FAM228A: variants seen among roughly 807,000 people sequenced by gnomAD.
The protein encoded by FAM228A is family with sequence similarity 228 member A.
FAM228A carries 13 observed loss-of-function variants against 18.6 expected under a neutral mutation model. That is an observed-to-expected ratio of 0.70 (90% CI 0.45 to 1.11). The LOEUF is 1.11. FAM228A is among the 50% of genes least tolerant of loss of function. FAM228A has a pLI of 0.00. For synonymous variants in FAM228A, 77 were observed against 86.6 expected, an observed-to-expected ratio of 0.89 and a Z score of 0.61; for missense variants, 240 against 242.2, an observed-to-expected ratio of 0.99 and a Z score of 0.06.
rs543082149 is a variant in FAM228A, at chr2:24,191,284, G to A, written c.*653G>A. The A allele has an allele frequency of 6.2e-5, 61 of 985,538 alleles. No individual in the cohort carries two copies. In the South Asian group the frequency reaches 8.9e-4, roughly 14 times the overall value. 61.0% of individuals were successfully genotyped at this position (985,538 alleles called of 1,614,324 possible). Reference sequence around the variant, plus strand: ...ACCGCTCAGCTCAGGACCTGACAGCGTCACTCCCACCCTCACCACCACACA... The same window carrying A: ...ACCGCTCAGCTCAGGACCTGACAGCATCACTCCCACCCTCACCACCACACA... On this transcript the variant is annotated 3_prime_UTR_variant, in exon 6 of 6. Coordinates refer to ENST00000295150, the MANE Select transcript of FAM228A (RefSeq NM_001040710.3).
chr2:24,186,587 C>A (rs1486710388), intron 5 of FAM228A, among the ~76,000 whole-genome samples: 2 of 151,902 alleles, frequency 1.3e-5, no homozygotes, highest in Admixed American at 6.6e-5. Context: ...AATTTTTATG[C>A]ATTTATTGAT....
At position 24,179,179 on chromosome 2, in the gene FAM228A, A is replaced by T. The variant is rs559319334; in HGVS notation, c.162+1309A>T. On this transcript the variant is annotated intron_variant, in intron 3 of 5. Transcript: ENST00000295150. ...GAAGAAAAGAGATGTTACATAAAAA[A>T]TGGGTTGAAAATGTTGCAGAGCCTC... 4.3e-6 allele frequency: 5 copies of T among 1,176,288 alleles called. No individual in the cohort carries two copies. The African/African-American group carries it at 8.2e-5, about 19-fold the overall frequency. The allele number at this position is 1,176,288 out of a possible 1,614,324, so 72.9% of individuals were successfully genotyped here. A position where few individuals can be genotyped will look rare whatever the true frequency, so the allele number is the denominator to read the frequency against.
chr2:24,183,396 A>G lies in FAM228A; in HGVS notation c.250+24A>G, dbSNP rs368556354. ...AGGTGCTTTGTGATCACTGGGCCTC[A>G]TTTTTTTGAGACTGCTAATTGTCCA... On this transcript the variant is annotated intron_variant, in intron 4 of 5. Transcript: ENST00000295150. The G allele has an allele frequency of 9.1e-4, 1,472 of 1,610,662 alleles. 2 individuals carry two copies. Among genetic ancestry groups the G allele is most frequent in the Non-Finnish European group, 1.2e-3 (1,355 of 1,177,064 alleles).
chr2:24,185,547 A>G (rs955053598), intron 5 of FAM228A, among the ~76,000 whole-genome samples: 2 of 152,244 alleles, frequency 1.3e-5, no homozygotes, highest in Non-Finnish European at 2.9e-5. Flanking sequence ...CTGTAGATCA[A>G]TTTGGGGAGA....
chr2:24,181,149 A>C (rs935085984), intron 3 of FAM228A, among the ~76,000 whole-genome samples: 11 of 152,194 alleles, frequency 7.2e-5, no homozygotes, highest in Admixed American at 3.9e-4. Flanking sequence ...CTAGATGATT[A>C]CTTCTCCCAG....
intron 5 of FAM228A, among the ~76,000 whole-genome samples, chr2:24,184,600 G>A (rs182281630): frequency 2.8e-4 from 43 of 152,026 alleles, no homozygotes; most frequent in Middle Eastern, 3.4e-3. Flanking sequence ...GTGGACATTT[G>A]GGTTGTTTCC....
chr2:24,178,799 T>C (rs1463471106), intron 3 of FAM228A, among the ~76,000 whole-genome samples: 1 of 152,174 alleles, frequency 6.6e-6, no homozygotes, highest in Non-Finnish European at 1.5e-5. Flanking sequence ...CAGGGAATGC[T>C]TGGAAATCCT....
At chr2:24,186,909 A>T (rs2151047690) in intron 5 of FAM228A, among the ~76,000 whole-genome samples, 1 of 152,248 alleles carries the variant, frequency 6.6e-6, no homozygotes, top group African/African-American at 2.4e-5. Context: ...GTACTGGGGG[A>T]TTTACAGATG....
rs1186937777 is a variant in FAM228A, at chr2:24,183,635, T to TA, written c.392dup (p.Tyr131Ter). The stretch of plus-strand genomic sequence containing the variant: ...CTCTGCAAGAGCCAGGAGTAAAACT[T>TA]ACAAATACAGGTACAGATGAGCAGA... Reference protein sequence around the residue: ...KASARARSKTYKYSPEKLIYA... With the variant: ...KASARARSKT Residue 131 changes from tyrosine to a stop codon, truncating the protein, a stop_gained and frameshift_variant, in exon 5 of 6, where the codon TAC becomes TAAC. Coordinates refer to ENST00000295150, the MANE Select transcript of FAM228A (RefSeq NM_001040710.3). LOFTEE classifies it low-confidence loss of function (END_TRUNC). 3 of 1,601,386 alleles carry TA rather than the reference T, an allele frequency of 1.9e-6. No individual in the cohort carries two copies. The highest frequency in any genetic ancestry group is 2.3e-5 in the South Asian group (2 of 88,218).
At chr2:24,186,200 A>G (rs971509455) in intron 5 of FAM228A, among the ~76,000 whole-genome samples, 1 of 152,072 alleles carries the variant, frequency 6.6e-6, no homozygotes, top group Admixed American at 6.6e-5. Flanking sequence ...AGGTTTCACC[A>G]TGTTGGCCAG....
At chr2:24,182,805 CTGATGCAA>C (rs1360416044) in intron 3 of FAM228A, among the ~76,000 whole-genome samples, 2 of 151,826 alleles carry the variant, frequency 1.3e-5, no homozygotes, top group Non-Finnish European at 2.9e-5. Flanking sequence ...TATTTACTGG[CTGATGCAA>C]TGACACAGTA....
intron 3 of FAM228A, among the ~76,000 whole-genome samples, chr2:24,181,974 CAAG>C (rs1327327575): frequency 3.9e-5 from 6 of 152,104 alleles, no homozygotes; most frequent in Admixed American, 2.6e-4. Context: ...ACTTGAAGCA[CAAG>C]AAGGAGAGAG....
At chr2:24,175,739 C>A in intron 2 of FAM228A, 166 bp downstream of exon 2, 2 of 747,054 alleles carry the variant, frequency 2.7e-6, no homozygotes, top group Non-Finnish European at 4.2e-6. Context: ...AGAGTGTGGC[C>A]AAGAGTGTTT....
intron 3 of FAM228A, among the ~76,000 whole-genome samples, chr2:24,178,567 C>T (rs1667746189): frequency 6.6e-6 from 1 of 152,148 alleles, no homozygotes; most frequent in African/African-American, 2.4e-5. Context: ...GAGTGAGACC[C>T]TGTCTTTTAA....
At position 24,190,433 on chromosome 2, in the gene FAM228A, A is replaced by G. The variant is rs1190347954; in HGVS notation, c.423A>G (p.Ala141=). 1 of 1,613,102 alleles carries G rather than the reference A, an allele frequency of 6.2e-7. No individual in the cohort carries two copies. Among genetic ancestry groups the G allele is most frequent in the Non-Finnish European group, 8.5e-7 (1 of 1,179,798 alleles). The change falls in exon 6 of 6, where the codon GCA becomes GCG. Residue 141 remains alanine (A), a synonymous_variant. Coordinates refer to ENST00000295150, the MANE Select transcript of FAM228A (RefSeq NM_001040710.3). Reference sequence around the variant, plus strand: ...ACAGTCCTGAAAAGCTCATCTATGCAGACAAGAAACAGAAAAGAAAAGAGA... The same window carrying G: ...ACAGTCCTGAAAAGCTCATCTATGCGGACAAGAAACAGAAAAGAAAAGAGA... ...YKYSPEKLIY[A]DKKQKRKEKK...
chr2:24,175,619 C>T, intron 2 of FAM228A, 46 bp downstream of exon 2: 1 of 1,424,174 alleles, frequency 7.0e-7, no homozygotes, highest in Non-Finnish European at 9.9e-7. Context: ...CGGGGGGACC[C>T]CTCGAGTTTG....
At chr2:24,183,825 C>T (rs547614205) in intron 5 of FAM228A, among the ~76,000 whole-genome samples, 180 bp downstream of exon 5, 15 of 152,072 alleles carry the variant, frequency 9.9e-5, no homozygotes, top group South Asian at 6.2e-4. Context: ...AACAGCTTAC[C>T]GAGTCCCTGA....
At position 24,190,892 on chromosome 2, in the gene FAM228A, C is replaced by G; in HGVS notation, c.*261C>G. 8.5e-7 allele frequency: 1 copy of G among 1,181,282 alleles called. No homozygotes were observed. The highest frequency in any genetic ancestry group is 3.8e-5 in the South Asian group (1 of 26,178). The allele number at this position is 1,181,282 out of a possible 1,614,324, so 73.2% of individuals were successfully genotyped here. A position where few individuals can be genotyped will look rare whatever the true frequency, so the allele number is the denominator to read the frequency against. On this transcript the variant is annotated 3_prime_UTR_variant, in exon 6 of 6. Coordinates refer to ENST00000295150, the MANE Select transcript of FAM228A (RefSeq NM_001040710.3). ...AACCTGGCCACAGGGGCTTTTCCCCCTGAGATTTCTTCAGCGCCTTCGCCC... is the reference window on the plus strand; with the variant it reads ...AACCTGGCCACAGGGGCTTTTCCCCGTGAGATTTCTTCAGCGCCTTCGCCC...
chr2:24,186,180 A>G (rs1481308562), intron 5 of FAM228A, among the ~76,000 whole-genome samples: 1 of 151,988 alleles, frequency 6.6e-6, no homozygotes, highest in African/African-American at 2.4e-5. Context: ...TTGTATTTTT[A>G]GTAGAGATGA....
Sources: allele counts gnomAD v4.1 joint callset (sites outside exome capture counted in the v4.1 genomes callset), GRCh38; gene constraint gnomAD v4.1.1; transcripts MANE v1.5; gene names NCBI Gene and HGNC (gene_info 2026-07-23, HGNC 2026-07-21).